PWWP2A: variants seen among roughly 807,000 people sequenced by gnomAD.
PWWP2A encodes PWWP domain containing 2A.
Under a neutral mutation model 48.5 loss-of-function variants are expected in PWWP2A, and 18 were observed. That is an observed-to-expected ratio of 0.37 (90% CI 0.26 to 0.55). PWWP2A has a LOEUF of 0.55. PWWP2A is among the 20% of genes least tolerant of loss of function. The probability of loss-of-function intolerance (pLI) is 0.81; values close to 1 mark genes in which losing one functional copy is unlikely to be tolerated. For missense variants in PWWP2A, 867 were observed against 976.4 expected, an observed-to-expected ratio of 0.89 and a Z score of 1.49; for synonymous variants, 396 against 387.7, an observed-to-expected ratio of 1.02 and a Z score of -0.25.
rs141824407 is a variant in PWWP2A, at chr5:160,085,785, G to T, written c.1550-5015C>A. 3.5e-3 allele frequency among the ~76,000 whole-genome samples: 520 copies of T among 150,628 alleles called. 1 individual carries two copies. The highest frequency in any genetic ancestry group is 5.8e-3 in the Non-Finnish European group (394 of 67,782). ...CTCCCAAAGTGCTGGGATTACAGGT[G>T]TGAGCCAACACGCCCGGCTGTCACA... On this transcript the variant is annotated intron_variant, in intron 2 of 3. Coordinates refer to the PWWP2A transcript ENST00000456329.
chr5:160,089,586 T>C, downstream of PWWP2A: 1 of 1,288,746 alleles, frequency 7.8e-7, no homozygotes, highest in Non-Finnish European at 1.0e-6. Context: ...TCCAAATGAT[T>C]AGTCAGCTTC....
At chr5:160,068,100 G>A (rs1310644985) in intron 2 of PWWP2A, among the ~76,000 whole-genome samples, 2 of 152,144 alleles carry the variant, frequency 1.3e-5, no homozygotes, top group Non-Finnish European at 2.9e-5. Flanking sequence ...AGAATCGCTT[G>A]AACCCAGAAG....
rs1461770887 is a variant in PWWP2A at position 160,117,572 on chromosome 5, G to T, written c.584+1233C>A. On this transcript the variant is annotated intron_variant, in intron 1 of 1. Coordinates refer to ENST00000307063, the MANE Select transcript of PWWP2A (RefSeq NM_001130864.2). ...CTTGGGAGGCTGAGGCGGGAGAATC[G>T]CTTGAACCCAGGAGGCGGAGGTTGC... Among the ~76,000 whole-genome samples, 3 of 151,886 alleles carry T rather than the reference G, an allele frequency of 2.0e-5. No homozygotes were observed. In the East Asian group the frequency reaches 5.8e-4, roughly 29 times the overall value.
At chr5:160,107,292 A>T (rs1724817815) in intron 1 of PWWP2A, among the ~76,000 whole-genome samples, 1 of 152,230 alleles carries the variant, frequency 6.6e-6, no homozygotes, top group African/African-American at 2.4e-5. Flanking sequence ...TCAGAAATCT[A>T]TGCACATTTC....
chr5:160,056,746 C>A, the PWWP2A span, among the ~76,000 whole-genome samples: 1 of 151,976 alleles, frequency 6.6e-6, no homozygotes, highest in African/African-American at 2.4e-5. Flanking sequence ...ATATATATAT[C>A]ATCTTGTATG....
chr5:160,085,182 C>A (rs1201723379), intron 2 of PWWP2A, among the ~76,000 whole-genome samples: 1 of 151,764 alleles, frequency 6.6e-6, no homozygotes, highest in Non-Finnish European at 1.5e-5. Context: ...GCACCCACCA[C>A]CATGCCCAGC....
exon 6 of PWWP2A, chr5:160,061,816 A>T (rs1753421168): frequency 6.6e-6 from 1 of 152,188 alleles, no homozygotes; most frequent in African/African-American, 2.4e-5. Context: ...AGTACAAGAG[A>T]TTTACTGGGG....
At chr5:160,116,792 T>C in intron 1 of PWWP2A, 2 of 985,322 alleles carry the variant, frequency 2.0e-6, no homozygotes, top group Non-Finnish European at 2.4e-6. Flanking sequence ...TGTCTCTTAC[T>C]ATTATATACA....
In PWWP2A at chr5:160,114,871, T is replaced by G. The variant is rs535246003; in HGVS notation, c.584+3934A>C. Among the ~76,000 whole-genome samples the G allele has an allele frequency of 2.0e-5, 3 of 151,580 alleles. No individual in the cohort carries two copies. The East Asian group carries it at 5.9e-4, about 30-fold the overall frequency. On this transcript the variant is annotated intron_variant, in intron 1 of 1. Transcript: ENST00000307063. ...ATTAGCCAGGTGTGGCCGAGTGCAG[T>G]GGCTCACGCCTATAATCCCAGCACT... is the stretch of plus-strand genomic sequence containing the variant.
At chr5:160,080,810 C>T (rs746428572) in intron 2 of PWWP2A, 25 of 1,470,978 alleles carry the variant, frequency 1.7e-5, no homozygotes, top group South Asian at 2.7e-5. Flanking sequence ...ATAAAGCATT[C>T]GAGTTTTTTA....
At chr5:160,088,273 G>A (rs1754797672), downstream of PWWP2A, among the ~76,000 whole-genome samples, 1 of 152,150 alleles carries the variant, frequency 6.6e-6, no homozygotes, top group Non-Finnish European at 1.5e-5. Flanking sequence ...CACCCAGGCT[G>A]GAGTGCAACC....
At chr5:160,069,411 A>G (rs1753690786) in intron 2 of PWWP2A, among the ~76,000 whole-genome samples, 1 of 152,232 alleles carries the variant, frequency 6.6e-6, no homozygotes, top group Non-Finnish European at 1.5e-5. Flanking sequence ...GGTATTGCCC[A>G]AAGTGGCCAC....
chr5:160,081,139 C>T (rs770797862), intron 2 of PWWP2A, among the ~76,000 whole-genome samples: 4 of 152,126 alleles, frequency 2.6e-5, no homozygotes, highest in Non-Finnish European at 5.9e-5. Flanking sequence ...CTCACGTTAG[C>T]CTATGTTGGA....
At chr5:160,064,212 A>T (rs1217674198) in intron 4 of PWWP2A, among the ~76,000 whole-genome samples, 1 of 151,376 alleles carries the variant, frequency 6.6e-6, no homozygotes. Flanking sequence ...CAGGTGATCC[A>T]CCCATCTCGG....
chr5:160,097,706 TG>T (rs35915060), intron 1 of PWWP2A, among the ~76,000 whole-genome samples: 11,657 of 108,022 alleles, frequency 0.11, 913 homozygotes, highest in African/African-American at 0.23. Flanking sequence ...GTTTTTTTTT[TG>T]GGGGGGGGGG....
chr5:160,076,785 C>T (rs751797546), exon 4 of PWWP2A: 1 of 152,164 alleles, frequency 6.6e-6, no homozygotes, highest in Non-Finnish European at 1.5e-5. Context: ...AGTCTGACCA[C>T]TTGAGCCAAG....
At chr5:160,099,652 A>T (rs958752296) in intron 1 of PWWP2A, among the ~76,000 whole-genome samples, 1 of 150,754 alleles carries the variant, frequency 6.6e-6, no homozygotes, top group Non-Finnish European at 1.5e-5. Flanking sequence ...TATCTTAATA[A>T]TTTAGGAGTA....
chr5:160,117,462 C>G (rs1296923683), intron 1 of PWWP2A, among the ~76,000 whole-genome samples: 1 of 152,164 alleles, frequency 6.6e-6, no homozygotes, highest in Admixed American at 6.5e-5. Context: ...CAAGACCAGC[C>G]TGGCCAACAT....
intron 1 of PWWP2A, among the ~76,000 whole-genome samples, chr5:160,109,757 G>GAA (rs755988668): frequency 0.015 from 825 of 53,306 alleles, 38 homozygotes; most frequent in Non-Finnish European, 0.02. Context: ...ATGCAACTGG[G>GAA]AAAAAAAAAA....
Sources: allele counts gnomAD v4.1 joint callset (sites outside exome capture counted in the v4.1 genomes callset), GRCh38; gene constraint gnomAD v4.1.1; transcripts MANE v1.5; gene names NCBI Gene and HGNC (gene_info 2026-07-23, HGNC 2026-07-21).